The following NFILZ variants were observed in gnomAD, a reference collection of about 807,000 sequenced individuals.
NFILZ encodes NFIL3 like protein.
chr19:8,658,018 G>C (rs552821333), intron 3 of NFILZ, among the ~76,000 whole-genome samples: 2 of 152,300 alleles, frequency 1.3e-5, no homozygotes, highest in African/African-American at 2.4e-5. Context: ...GGAACAGAGA[G>C]GGTTACAGGC....
intron 3 of NFILZ, among the ~76,000 whole-genome samples, chr19:8,672,100 T>G (rs1188595236): frequency 2.0e-5 from 3 of 152,256 alleles, no homozygotes; most frequent in Non-Finnish European, 4.4e-5. Flanking sequence ...CAAATATCCA[T>G]GCATTTATTA....
At chr19:8,661,116 T>TCC (rs1712867839) in intron 3 of NFILZ, among the ~76,000 whole-genome samples, 1 of 115,560 alleles carries the variant, frequency 8.7e-6, no homozygotes, top group Non-Finnish European at 1.7e-5. Flanking sequence ...CCTTCCTTCC[T>TCC]TCCTTCCCTC....
At chr19:8,651,247 C>T (rs185709122) in intron 3 of NFILZ, among the ~76,000 whole-genome samples, 13 of 150,164 alleles carry the variant, frequency 8.7e-5, no homozygotes, top group East Asian at 2.0e-4. Flanking sequence ...CTGCAACCTC[C>T]GCCTCCCAGG....
Position 8,676,834 on chromosome 19 carries a change from G to A in NFILZ, c.69G>A (p.Arg23=), listed in dbSNP as rs2043112307. The A allele has an allele frequency of 6.6e-6, 1 of 152,610 alleles. No individual in the cohort carries two copies. The allele number at this position is 152,610 out of a possible 1,614,324, so 9.5% of individuals were successfully genotyped here. ...QSHSKTLWGA[R]GRGPSIRRQR... ...ATAGCAAGACCTTGTGGGGGGCTCG[G>A]GGCAGGGGCCCCTCCATACGTCGCC... The change falls in exon 6 of 6, where the codon CGG becomes CGA. Residue 23 remains arginine (R), a synonymous_variant. Coordinates refer to ENST00000691075, the MANE Select transcript of NFILZ (RefSeq NM_001378600.1).
intron 3 of NFILZ, among the ~76,000 whole-genome samples, chr19:8,663,728 G>GTGTGTGTGTGTGTATGTGTGTGTA (rs2043045025): frequency 1.3e-5 from 1 of 74,208 alleles, no homozygotes; most frequent in African/African-American, 5.6e-5. Flanking sequence ...GTGTTTGTGT[G>GTGTGTGTGTGTGTATGTGTGTGTA]TGTGTGTGTG....
intron 3 of NFILZ, among the ~76,000 whole-genome samples, chr19:8,642,993 A>C (rs1555746798): frequency 1.4e-5 from 2 of 141,192 alleles, no homozygotes; most frequent in Admixed American, 7.4e-5. Flanking sequence ...CCTGTCACCC[A>C]GGCTGGAGTG....
chr19:8,661,283 C>T (rs1385105042), intron 3 of NFILZ, among the ~76,000 whole-genome samples: 1 of 151,612 alleles, frequency 6.6e-6, no homozygotes, highest in Non-Finnish European at 1.5e-5. Flanking sequence ...CCACCTCAGC[C>T]TCCCAAGTAG....
intron 3 of NFILZ, among the ~76,000 whole-genome samples, 178 bp downstream of exon 3, chr19:8,635,924 C>T (rs1013105526): frequency 6.6e-6 from 1 of 152,114 alleles, no homozygotes; most frequent in Non-Finnish European, 1.5e-5. Flanking sequence ...GCCACCTCTG[C>T]CTCCTGGGCT....
At chr19:8,644,400 A>G (rs1339584560) in intron 3 of NFILZ, among the ~76,000 whole-genome samples, 1 of 151,950 alleles carries the variant, frequency 6.6e-6, no homozygotes, top group East Asian at 1.9e-4. Flanking sequence ...CGTAGCTGGT[A>G]ATAGGGTCAA....
chr19:8,667,696 C>T (rs1555749947), intron 3 of NFILZ, among the ~76,000 whole-genome samples: 2 of 151,914 alleles, frequency 1.3e-5, no homozygotes, highest in Non-Finnish European at 2.9e-5. Context: ...TACAGGTGTC[C>T]ACCACTACCC....
chr19:8,651,428 C>A (rs1477290365), intron 3 of NFILZ, among the ~76,000 whole-genome samples: 1 of 152,204 alleles, frequency 6.6e-6, no homozygotes, highest in African/African-American at 2.4e-5. Flanking sequence ...TCCCAAAGTG[C>A]TGGGATTACC....
rs2043138154 is a variant in NFILZ at position 8,680,019 on chromosome 19, A to G, written c.*2384A>G. 6.6e-6 allele frequency among the ~76,000 whole-genome samples: 1 copy of G among 151,924 alleles called. No individual in the cohort carries two copies. The highest frequency in any genetic ancestry group is 2.4e-5 in the African/African-American group (1 of 41,344). On this transcript the variant is annotated 3_prime_UTR_variant, in exon 6 of 6. Coordinates refer to ENST00000691075, the MANE Select transcript of NFILZ (RefSeq NM_001378600.1). The stretch of plus-strand genomic sequence containing the variant: ...GAGACCAGCCTGGCCAACATGATGA[A>G]GCCCCGTCTCTAGTAAAAATACAAA...
At chr19:8,666,836 G>T (rs1555749864) in intron 3 of NFILZ, among the ~76,000 whole-genome samples, 2 of 151,986 alleles carry the variant, frequency 1.3e-5, no homozygotes, top group African/African-American at 4.8e-5. Flanking sequence ...CCAGGCTCAG[G>T]TGATCCTCCC....
At chr19:8,667,984 G>A (rs568550246) in intron 3 of NFILZ, among the ~76,000 whole-genome samples, 2 of 151,570 alleles carry the variant, frequency 1.3e-5, no homozygotes, top group Non-Finnish European at 2.9e-5. Context: ...ACAGAGTCTT[G>A]CTCTGTCACC....
intron 3 of NFILZ, among the ~76,000 whole-genome samples, chr19:8,649,135 G>A (rs1346890278): frequency 7.3e-5 from 11 of 150,988 alleles, no homozygotes; most frequent in Admixed American, 2.0e-4. Flanking sequence ...GCTGACTTTC[G>A]TATTTTTTTT....
At chr19:8,661,942 G>C (rs782770719) in intron 3 of NFILZ, among the ~76,000 whole-genome samples, 8 of 152,108 alleles carry the variant, frequency 5.3e-5, no homozygotes, top group Non-Finnish European at 1.0e-4. Context: ...GTTCACACCT[G>C]TAATCCCAGT....
chr19:8,656,858 G>A (rs1369207472), intron 3 of NFILZ, among the ~76,000 whole-genome samples: 6 of 152,168 alleles, frequency 3.9e-5, no homozygotes, highest in Non-Finnish European at 8.8e-5. Flanking sequence ...GTGGCTGTAG[G>A]GGTCCTTATT....
chr19:8,672,345 C>T (rs1349577006), intron 3 of NFILZ, among the ~76,000 whole-genome samples: 2 of 151,622 alleles, frequency 1.3e-5, no homozygotes, highest in Admixed American at 6.6e-5. Flanking sequence ...AAAAAAACCA[C>T]ACATTTATTA....
chr19:8,645,319 T>A (rs1555746984), intron 3 of NFILZ, among the ~76,000 whole-genome samples: 2 of 147,010 alleles, frequency 1.4e-5, no homozygotes, highest in South Asian at 2.2e-4. Context: ...TTTTTTTTTT[T>A]AAGATATGGG....
Sources: allele counts gnomAD v4.1 joint callset (sites outside exome capture counted in the v4.1 genomes callset), GRCh38; gene constraint gnomAD v4.1.1; transcripts MANE v1.5; gene names NCBI Gene and HGNC (gene_info 2026-07-23, HGNC 2026-07-21).